Variants in IPO11 observed in about 807,000 individuals in gnomAD.
IPO11 encodes the protein importin-11.
A neutral mutation model predicts 143.2 loss-of-function variants in IPO11; 66 were observed. That is an observed-to-expected ratio of 0.46 (90% CI 0.38 to 0.57). The LOEUF is 0.57. Among genes scored for constraint, IPO11 ranks in the 20% least tolerant of loss-of-function variants. The probability of loss-of-function intolerance (pLI) is 0.00; values close to 1 mark genes in which losing one functional copy is unlikely to be tolerated. For missense variants in IPO11, 1,026 were observed against 1,141.0 expected, an observed-to-expected ratio of 0.90 and a Z score of 1.45; for synonymous variants, 385 against 377.8, an observed-to-expected ratio of 1.02 and a Z score of -0.22.
chr5:62,522,727 G>GT (rs763292920), intron 20 of IPO11, among the ~76,000 whole-genome samples: 46 of 152,272 alleles, frequency 3.0e-4, no homozygotes, highest in Middle Eastern at 3.4e-3. Context: ...CCTGTTTTAT[G>GT]TCATATCCCT....
chr5:62,515,269 A>C (rs961690438), intron 19 of IPO11, 119 bp from the exon 20 acceptor site: 7 of 559,778 alleles, frequency 1.3e-5, no homozygotes, highest in African/African-American at 9.7e-5. Context: ...AATACATTAC[A>C]TCTAATAAAT....
chr5:62,594,828 A>G (rs1745157073), intron 28 of IPO11, among the ~76,000 whole-genome samples: 1 of 152,210 alleles, frequency 6.6e-6, no homozygotes. Context: ...TACCAGGTGC[A>G]AGAGAGAAAG....
At chr5:62,587,950 C>T (rs762958164) in intron 27 of IPO11, among the ~76,000 whole-genome samples, 17 of 152,172 alleles carry the variant, frequency 1.1e-4, no homozygotes, top group Non-Finnish European at 2.5e-4. Flanking sequence ...AGGCCTCTGC[C>T]ATCTGGTTAC....
At chr5:62,479,914 C>G (rs1392021918) in intron 9 of IPO11, among the ~76,000 whole-genome samples, 1 of 152,172 alleles carries the variant, frequency 6.6e-6, no homozygotes, top group Non-Finnish European at 1.5e-5. Context: ...TGGTAGTTTT[C>G]TTTTGCTGTA....
chr5:62,424,417 G>T (rs949815943), intron 1 of IPO11, among the ~76,000 whole-genome samples: 1 of 151,692 alleles, frequency 6.6e-6, no homozygotes, highest in African/African-American at 2.4e-5. Flanking sequence ...GGGATTACGG[G>T]TGTGAGCCAT....
At chr5:62,498,336 A>G (rs947946050) in intron 16 of IPO11, among the ~76,000 whole-genome samples, 13 of 152,202 alleles carry the variant, frequency 8.5e-5, no homozygotes, top group African/African-American at 3.1e-4. Context: ...TCTAAAAAGT[A>G]TCTTTTACAT....
At chr5:62,604,151 C>A (rs1224640472) in intron 29 of IPO11, among the ~76,000 whole-genome samples, 1 of 152,210 alleles carries the variant, frequency 6.6e-6, no homozygotes, top group African/African-American at 2.4e-5. Flanking sequence ...TTAAGCAATG[C>A]ATGACTATAT....
chr5:62,483,256 C>A lies in IPO11; in HGVS notation c.984C>A (p.Val328=), dbSNP rs1561329315. Residue 328 remains valine (V), a synonymous_variant, in exon 10 of 30, where the codon GTC becomes GTA. Transcript: ENST00000325324. ...GTATGAATCTTATTAAGATGATTGT[C>A]AAAAATTATGCTTATAAGCCATCCA... The part of the protein sequence containing the change: ...VQCMNLIKMI[V]KNYAYKPSKN... 3 of 1,602,840 alleles carry A rather than the reference C, an allele frequency of 1.9e-6. No individual in the cohort carries two copies. The highest frequency in any genetic ancestry group is 2.3e-5 in the South Asian group (2 of 87,838).
chr5:62,425,949 T>C (rs1359213086), intron 1 of IPO11, among the ~76,000 whole-genome samples: 1 of 152,184 alleles, frequency 6.6e-6, no homozygotes, highest in Admixed American at 6.5e-5. Context: ...CTAATAGACA[T>C]GACTATTTGG....
At position 62,515,519 on chromosome 5, in the gene IPO11, A is replaced by T. The variant is rs369807456; in HGVS notation, c.1896+18A>T. On this transcript the variant is annotated intron_variant, in intron 20 of 29. Transcript: ENST00000325324. ...TTGTTCAGGTAAGTCACTTCTCCACAGAGTTTTTTTAGTTTAGTGGTTTTT... is the reference window on the plus strand; with the variant it reads ...TTGTTCAGGTAAGTCACTTCTCCACTGAGTTTTTTTAGTTTAGTGGTTTTT... 2 of 1,523,942 alleles carry T rather than the reference A, an allele frequency of 1.3e-6. No individual in the cohort carries two copies. Among genetic ancestry groups the T allele is most frequent in the Non-Finnish European group, 1.8e-6 (2 of 1,122,626 alleles). 94.4% of individuals were successfully genotyped at this position (1,523,942 alleles called of 1,614,324 possible).
At chr5:62,541,235 G>A (rs887808599) in intron 24 of IPO11, among the ~76,000 whole-genome samples, 3 of 152,014 alleles carry the variant, frequency 2.0e-5, no homozygotes, top group African/African-American at 7.2e-5. Context: ...GCCGGGCATG[G>A]TGCCACATGC....
intron 1 of IPO11, among the ~76,000 whole-genome samples, chr5:62,425,711 A>G (rs1743711784): frequency 6.6e-6 from 1 of 152,234 alleles, no homozygotes; most frequent in African/African-American, 2.4e-5. Context: ...ACTGGTATGG[A>G]GAAGACTTAG....
chr5:62,435,102 A>ATATATATGTATATATGTATATATG (rs1188887651), intron 1 of IPO11, among the ~76,000 whole-genome samples: 1 of 67,172 alleles, frequency 1.5e-5, no homozygotes. Flanking sequence ...GTATATATGT[A>ATATATATGTATATATGTATATATG]TATATATGTA....
intron 27 of IPO11, among the ~76,000 whole-genome samples, chr5:62,565,934 C>G (rs1244662162): frequency 1.3e-5 from 2 of 152,152 alleles, no homozygotes; most frequent in Admixed American, 6.5e-5. Flanking sequence ...TAGCTTCATC[C>G]ATGTCCCTGC....
In IPO11 at chr5:62,513,571, C is replaced by T. The variant is rs1356157008; in HGVS notation, c.1783-1817C>T. ...CCCCCCACCTCCCTCCCGGACGGGG[C>T]GGCTGGCTGGGCAGACGGGCTCCTG... On this transcript the variant is annotated intron_variant, in intron 19 of 29. Coordinates refer to ENST00000325324, the MANE Select transcript of IPO11 (RefSeq NM_016338.5). Among the ~76,000 whole-genome samples the T allele has an allele frequency of 6.5e-5, 9 of 139,410 alleles. No individual in the cohort carries two copies. The East Asian group carries it at 6.7e-4, about 10-fold the overall frequency. 91.5% of individuals were successfully genotyped at this position (139,410 alleles called of 152,430 possible). A position where few individuals can be genotyped will look rare whatever the true frequency, so the allele number is the denominator to read the frequency against.
At chr5:62,486,245 G>T (rs1746401489) in intron 12 of IPO11, among the ~76,000 whole-genome samples, 1 of 152,158 alleles carries the variant, frequency 6.6e-6, no homozygotes, top group Non-Finnish European at 1.5e-5. Context: ...CTCCCTAAGT[G>T]CTGGGATTAC....
At chr5:62,624,025 C>G (rs891015822) in intron 29 of IPO11, among the ~76,000 whole-genome samples, 1 of 150,992 alleles carries the variant, frequency 6.6e-6, no homozygotes, top group East Asian at 2.0e-4. Flanking sequence ...TTCCTCCCCC[C>G]ACCGTTTTTT....
intron 1 of IPO11, among the ~76,000 whole-genome samples, chr5:62,417,321 A>ATTTTTTTTTTTTTTTTTTTTTTTTTTTT (rs34767317): frequency 1.5e-5 from 1 of 65,330 alleles, no homozygotes; most frequent in Non-Finnish European, 2.8e-5. Flanking sequence ...TTATTGGTTA[A>ATTTTTTTTTTTTTTTTTTTTTTTTTTTT]TTTTTTTTTT....
At chr5:62,580,632 T>C in intron 27 of IPO11, 1 of 1,551,508 alleles carries the variant, frequency 6.4e-7, no homozygotes, top group East Asian at 2.4e-5. Flanking sequence ...CATTACGTTA[T>C]ATTAACATTA....
Sources: allele counts gnomAD v4.1 joint callset (sites outside exome capture counted in the v4.1 genomes callset), GRCh38; gene constraint gnomAD v4.1.1; transcripts MANE v1.5; gene names NCBI Gene and HGNC (gene_info 2026-07-23, HGNC 2026-07-21).